The following DACH1 variants were observed in gnomAD, a reference collection of about 807,000 sequenced individuals.
The protein encoded by DACH1 is dachshund family transcription factor 1.
A neutral mutation model predicts 54.2 loss-of-function variants in DACH1; 12 were observed. The observed-to-expected ratio is 0.22, with a 90% CI of 0.14 to 0.36. DACH1 has a LOEUF of 0.36. DACH1 is among the 10% of genes least tolerant of loss of function. The pLI, the probability that DACH1 is intolerant of heterozygous loss-of-function variation, is 1.00. For missense variants in DACH1, 805 were observed against 929.8 expected (o/e 0.87, Z 1.75); for synonymous variants, 386 against 366.2 (o/e 1.05, Z -0.62).
At chr13:71,457,256 A>C (rs113439123) in intron 10 of DACH1, among the ~76,000 whole-genome samples, 1 of 151,990 alleles carries the variant, frequency 6.6e-6, no homozygotes, top group African/African-American at 2.4e-5. Flanking sequence ...CTGGTATCCA[A>C]CATATTGCCA....
chr13:71,752,254 A>G (rs756705204), intron 1 of DACH1, among the ~76,000 whole-genome samples: 1 of 152,202 alleles, frequency 6.6e-6, no homozygotes, highest in Non-Finnish European at 1.5e-5. Context: ...AATAGTGCAC[A>G]ATCGTACATT....
intron 10 of DACH1, among the ~76,000 whole-genome samples, chr13:71,473,005 C>T (rs1877220135): frequency 6.6e-6 from 1 of 152,102 alleles, no homozygotes; most frequent in South Asian, 2.1e-4. Flanking sequence ...TCTCTTTGCT[C>T]TGTTATGTTA....
intron 1 of DACH1, among the ~76,000 whole-genome samples, chr13:71,778,332 A>C: frequency 6.6e-6 from 1 of 152,028 alleles, no homozygotes; most frequent in East Asian, 1.9e-4. Flanking sequence ...CATAAGTCAA[A>C]TGTAATTAAT....
chr13:71,613,992 A>AGTTT (rs1314821006), intron 3 of DACH1, among the ~76,000 whole-genome samples: 1 of 152,020 alleles, frequency 6.6e-6, no homozygotes, highest in African/African-American at 2.4e-5. Flanking sequence ...CCAGCATCTG[A>AGTTT]GTTTGTTTGT....
chr13:71,695,980 T>G (rs1013046955), intron 1 of DACH1, among the ~76,000 whole-genome samples: 17 of 152,318 alleles, frequency 1.1e-4, no homozygotes, highest in Admixed American at 8.5e-4. Flanking sequence ...TGAAGTACAG[T>G]GCTCATAATT....
chr13:71,782,123 C>G (rs1023520513), intron 1 of DACH1, among the ~76,000 whole-genome samples: 1 of 152,260 alleles, frequency 6.6e-6, no homozygotes, highest in Admixed American at 6.5e-5. Context: ...CTGCAAAACC[C>G]ATTAAACATC....
At chr13:71,662,938 T>C (rs1879605790) in intron 2 of DACH1, among the ~76,000 whole-genome samples, 1 of 152,012 alleles carries the variant, frequency 6.6e-6, no homozygotes, top group Admixed American at 6.6e-5. Flanking sequence ...TGAGTGGCAA[T>C]GTCATTCATC....
At position 71,692,940 on chromosome 13, in the gene DACH1, A is replaced by C. The variant is rs562721660; in HGVS notation, c.849-11030T>G. Among the ~76,000 whole-genome samples, 15 of 152,324 alleles carry C rather than the reference A, an allele frequency of 9.8e-5. No homozygotes were observed. The East Asian group carries it at 2.7e-3, about 27-fold the overall frequency. On this transcript the variant is annotated intron_variant, in intron 1 of 10. Transcript: ENST00000613252. The stretch of plus-strand genomic sequence containing the variant: ...CAAAATCTGAATCTAATCAAAAATG[A>C]ATCCATCTCCCCTTCAATACTTTAC...
Position 71,473,419 on chromosome 13 carries a change from T to C in DACH1, c.2083+1722A>G, listed in dbSNP as rs150842558. Among the ~76,000 whole-genome samples the C allele has an allele frequency of 1.4e-4, 21 of 152,332 alleles. No individual in the cohort carries two copies. In the East Asian group the frequency reaches 3.5e-3, roughly 25 times the overall value. On this transcript the variant is annotated intron_variant, in intron 10 of 10. Transcript: ENST00000613252. ...AGGAAAGCAATTTGTGATTAAAACT[T>C]TTCTTCAGAATAAGTCAGTCACAAC...
intron 2 of DACH1, among the ~76,000 whole-genome samples, chr13:71,631,706 G>A (rs1468463187): frequency 1.3e-5 from 2 of 152,116 alleles, no homozygotes; most frequent in South Asian, 2.1e-4. Context: ...CTCTGGCCTC[G>A]GAGTTGACAC....
Position 71,543,949 on chromosome 13 carries a change from C to T in DACH1, c.1570+13075G>A, listed in dbSNP as rs1262192446. Among the ~76,000 whole-genome samples the T allele has an allele frequency of 2.0e-5, 3 of 152,088 alleles. No homozygotes were observed. In the South Asian group the frequency reaches 6.2e-4, roughly 32 times the overall value. On this transcript the variant is annotated intron_variant, in intron 6 of 10. Coordinates refer to ENST00000613252, the MANE Select transcript of DACH1 (RefSeq NM_080759.6). ...CATATCTTTCTCTAGAATTGTCCCA[C>T]CTTACCACTAAAGCACACAACTATA...
At chr13:71,455,289 TAGAG>T (rs1312363243) in intron 10 of DACH1, among the ~76,000 whole-genome samples, 17 of 152,054 alleles carry the variant, frequency 1.1e-4, no homozygotes, top group African/African-American at 2.7e-4. Context: ...TCTCCATATA[TAGAG>T]ATAGATAGAT....
At chr13:71,701,296 A>T (rs1882126595) in intron 1 of DACH1, among the ~76,000 whole-genome samples, 1 of 152,176 alleles carries the variant, frequency 6.6e-6, no homozygotes, top group South Asian at 2.1e-4. Context: ...AGGTAAGTGT[A>T]TATTTAAATC....
chr13:71,625,394 A>G (rs1166888996), intron 3 of DACH1, among the ~76,000 whole-genome samples: 1 of 151,952 alleles, frequency 6.6e-6, no homozygotes. Flanking sequence ...TTCCTTCCAA[A>G]TAGACACATG....
At chr13:71,597,460 T>C (rs984449481) in intron 3 of DACH1, among the ~76,000 whole-genome samples, 1 of 152,228 alleles carries the variant, frequency 6.6e-6, no homozygotes, top group African/African-American at 2.4e-5. Context: ...ACCTACCATT[T>C]GGCCCAAGGG....
At chr13:71,468,514 T>C (rs1482319331) in intron 10 of DACH1, among the ~76,000 whole-genome samples, 1 of 152,214 alleles carries the variant, frequency 6.6e-6, no homozygotes, top group Admixed American at 6.5e-5. Flanking sequence ...AATTGAAATG[T>C]GCATTAACAA....
chr13:71,595,051 G>T (rs748929737), intron 3 of DACH1, among the ~76,000 whole-genome samples: 2 of 152,122 alleles, frequency 1.3e-5, no homozygotes, highest in Non-Finnish European at 2.9e-5. Context: ...CTAAAATAGG[G>T]TTATGTATAA....
intron 10 of DACH1, among the ~76,000 whole-genome samples, chr13:71,452,241 T>C (rs1875128048): frequency 6.6e-6 from 1 of 152,066 alleles, no homozygotes; most frequent in Non-Finnish European, 1.5e-5. Flanking sequence ...GTGATCTTCC[T>C]GTAGGCCTCC....
chr13:71,777,225 T>C (rs1428880806), intron 1 of DACH1, among the ~76,000 whole-genome samples: 2 of 147,172 alleles, frequency 1.4e-5, no homozygotes, highest in African/African-American at 5.4e-5. Context: ...ACAGGAAACA[T>C]TTCCACCTTC....
Sources: allele counts gnomAD v4.1 joint callset (sites outside exome capture counted in the v4.1 genomes callset), GRCh38; gene constraint gnomAD v4.1.1; transcripts MANE v1.5; gene names NCBI Gene and HGNC (gene_info 2026-07-23, HGNC 2026-07-21).